The following KDM4C variants were observed in gnomAD, a reference collection of about 807,000 sequenced individuals.
KDM4C encodes the protein lysine-specific demethylase 4C.
Under a neutral mutation model 129.3 loss-of-function variants are expected in KDM4C, and 81 were observed. The observed-to-expected ratio is 0.63, with a 90% CI of 0.52 to 0.75. The LOEUF is 0.75. KDM4C is among the 30% of genes least tolerant of loss of function. The pLI is 0.00. For missense variants in KDM4C, 1,457 were observed against 1,304.0 expected (o/e 1.12, Z -1.81); for synonymous variants, 573 against 456.1 (o/e 1.26, Z -3.26).
At chr9:7,135,903 AG>A (rs1219918278) in intron 19 of KDM4C, among the ~76,000 whole-genome samples, 4 of 152,178 alleles carry the variant, frequency 2.6e-5, no homozygotes, top group Non-Finnish European at 5.9e-5. Flanking sequence ...ATCCCATCCC[AG>A]CCCACTGATG....
At chr9:6,966,875 T>G (rs896236306) in intron 8 of KDM4C, among the ~76,000 whole-genome samples, 4 of 152,180 alleles carry the variant, frequency 2.6e-5, no homozygotes, top group Non-Finnish European at 5.9e-5. Flanking sequence ...TCTTTATAAC[T>G]TGAGGATAGG....
At chr9:7,122,266 C>CA (rs55850332) in intron 18 of KDM4C, among the ~76,000 whole-genome samples, 1 of 102,266 alleles carries the variant, frequency 9.8e-6, no homozygotes, top group South Asian at 3.4e-4. Context: ...CACACACACA[C>CA]TCTCTCTCTC....
At chr9:7,101,103 C>T (rs538231730) in intron 17 of KDM4C, among the ~76,000 whole-genome samples, 10 of 152,218 alleles carry the variant, frequency 6.6e-5, no homozygotes, top group Admixed American at 1.3e-4. Flanking sequence ...TGATCCAGTT[C>T]GTCTTTGCTT....
intron 8 of KDM4C, among the ~76,000 whole-genome samples, chr9:6,941,431 G>C (rs1225567474): frequency 3.3e-5 from 5 of 152,046 alleles, no homozygotes; most frequent in Non-Finnish European, 7.4e-5. Context: ...TTATCAGAGA[G>C]CATATATTTT....
At chr9:7,043,671 G>T (rs7037803) in intron 15 of KDM4C, among the ~76,000 whole-genome samples, 2 of 151,388 alleles carry the variant, frequency 1.3e-5, no homozygotes, top group Admixed American at 6.6e-5. Flanking sequence ...ACATGACTTT[G>T]GTTGTTTCCT....
At chr9:6,899,542 G>GGGTGTGT (rs1554633822) in intron 8 of KDM4C, among the ~76,000 whole-genome samples, 3 of 150,160 alleles carry the variant, frequency 2.0e-5, no homozygotes, top group East Asian at 2.0e-4. Flanking sequence ...TTTCCATGGG[G>GGGTGTGT]GTGTGTGTGT....
At chr9:7,173,019 C>T (rs768085783) in intron 21 of KDM4C, among the ~76,000 whole-genome samples, 3 of 152,250 alleles carry the variant, frequency 2.0e-5, no homozygotes, top group Non-Finnish European at 2.9e-5. Flanking sequence ...TGCCCTCACT[C>T]AGCAAACACT....
At chr9:7,102,673 A>G (rs1294809217) in intron 17 of KDM4C, among the ~76,000 whole-genome samples, 1 of 152,232 alleles carries the variant, frequency 6.6e-6, no homozygotes, top group Non-Finnish European at 1.5e-5. Context: ...CTGATAAAAT[A>G]TTAGTCTTCA....
upstream of KDM4C, among the ~76,000 whole-genome samples, chr9:6,755,654 T>G (rs986289552): frequency 1.3e-5 from 2 of 152,258 alleles, no homozygotes; most frequent in African/African-American, 4.8e-5. Context: ...AAGGGGAATC[T>G]ATGTATTGTT....
intron 5 of KDM4C, among the ~76,000 whole-genome samples, chr9:6,863,299 T>G (rs1375655962): frequency 6.6e-6 from 1 of 152,154 alleles, no homozygotes; most frequent in East Asian, 1.9e-4. Context: ...GAGTTATGTG[T>G]GGATTCCATC....
chr9:6,825,515 A>G (rs1833743030), intron 4 of KDM4C, among the ~76,000 whole-genome samples: 1 of 152,188 alleles, frequency 6.6e-6, no homozygotes, highest in African/African-American at 2.4e-5. Flanking sequence ...TTCTGAAAGA[A>G]CGAATCACCT....
chr9:6,932,745 C>T (rs1368840760), intron 8 of KDM4C, among the ~76,000 whole-genome samples: 1 of 152,162 alleles, frequency 6.6e-6, no homozygotes, highest in Non-Finnish European at 1.5e-5. Flanking sequence ...GGACATTTGA[C>T]CACGTTTAGG....
intron 4 of KDM4C, among the ~76,000 whole-genome samples, chr9:6,831,306 T>C (rs1034460280): frequency 6.6e-6 from 1 of 152,170 alleles, no homozygotes; most frequent in Admixed American, 6.5e-5. Context: ...GGTTCCATGA[T>C]GTCATTATAG....
chr9:7,128,744 T>C (rs1840294529), intron 19 of KDM4C, among the ~76,000 whole-genome samples: 1 of 152,170 alleles, frequency 6.6e-6, no homozygotes, highest in Non-Finnish European at 1.5e-5. Flanking sequence ...TTAAGTAGTT[T>C]CGTTACTGTG....
intron 17 of KDM4C, among the ~76,000 whole-genome samples, chr9:7,066,896 A>T (rs1832498867): frequency 6.6e-6 from 1 of 152,200 alleles, no homozygotes. Flanking sequence ...ACGTTTCTCA[A>T]AGCAATTCAT....
At position 7,155,140 on chromosome 9, in the gene KDM4C, G is replaced by A. The variant is rs371853804; in HGVS notation, c.2782-10098G>A. Among the ~76,000 whole-genome samples the A allele has an allele frequency of 2.2e-4, 33 of 152,246 alleles. No homozygotes were observed. The East Asian group carries it at 5.8e-3, about 27-fold the overall frequency. On this transcript the variant is annotated intron_variant, in intron 19 of 21. Transcript: ENST00000381309. ...GTCAGAGAGAGCTTTGGGGATACCTGGAATTCTCATTTTTAATGTGTGCCC... is the reference window on the plus strand; with the variant it reads ...GTCAGAGAGAGCTTTGGGGATACCTAGAATTCTCATTTTTAATGTGTGCCC...
chr9:7,153,201 G>T (rs1415479049), intron 19 of KDM4C, among the ~76,000 whole-genome samples: 1 of 152,178 alleles, frequency 6.6e-6, no homozygotes, highest in East Asian at 1.9e-4. Flanking sequence ...GCCGCCCAAA[G>T]TGCTGGGATT....
At chr9:7,072,524 A>G (rs1320668836) in intron 17 of KDM4C, among the ~76,000 whole-genome samples, 1 of 152,216 alleles carries the variant, frequency 6.6e-6, no homozygotes, top group Admixed American at 6.5e-5. Context: ...CTGACTCAAA[A>G]GGCTCCGTAC....
intron 4 of KDM4C, among the ~76,000 whole-genome samples, chr9:6,823,513 C>A (rs544891350): frequency 6.6e-6 from 1 of 152,288 alleles, no homozygotes; most frequent in African/African-American, 2.4e-5. Context: ...CTACCTGTCA[C>A]CTTCAACTTC....
Sources: allele counts gnomAD v4.1 joint callset (sites outside exome capture counted in the v4.1 genomes callset), GRCh38; gene constraint gnomAD v4.1.1; transcripts MANE v1.5; gene names NCBI Gene and HGNC (gene_info 2026-07-23, HGNC 2026-07-21).